Variants in LRP1B observed in about 807,000 individuals in gnomAD.
LRP1B encodes LDL receptor related protein 1B, also known as low-density lipoprotein receptor-related protein 1B.
Under a neutral mutation model 556.6 loss-of-function variants are expected in LRP1B, and 217 were observed. The ratio of observed to expected loss-of-function variants is 0.39; its 90% CI spans 0.35 to 0.44. The LOEUF (loss-of-function observed/expected upper bound fraction) is 0.44. LRP1B is among the 20% of genes least tolerant of loss of function. The pLI is 1.00. For missense variants in LRP1B, 5,053 were observed against 5,620.8 expected, an observed-to-expected ratio of 0.90 and a Z score of 3.23; for synonymous variants, 2,047 against 1,865.8, an observed-to-expected ratio of 1.10 and a Z score of -2.50.
intron 3 of LRP1B, among the ~76,000 whole-genome samples, chr2:141,391,839 T>A (rs568166637): frequency 6.6e-6 from 1 of 152,194 alleles, no homozygotes; most frequent in African/African-American, 2.4e-5. Flanking sequence ...AAAAAACCTT[T>A]GTAAATTGTC....
At chr2:141,233,313 T>A (rs1165183396) in intron 5 of LRP1B, among the ~76,000 whole-genome samples, 1 of 152,174 alleles carries the variant, frequency 6.6e-6, no homozygotes, top group Non-Finnish European at 1.5e-5. Flanking sequence ...GGCTGTCAAC[T>A]GATTCATGAT....
intron 17 of LRP1B, among the ~76,000 whole-genome samples, chr2:140,987,163 G>C (rs911756231): frequency 6.6e-6 from 1 of 152,068 alleles, no homozygotes; most frequent in Non-Finnish European, 1.5e-5. Flanking sequence ...CAAAGCAAAA[G>C]GCATGTTTAT....
intron 3 of LRP1B, among the ~76,000 whole-genome samples, chr2:141,308,558 A>G (rs547150656): frequency 6.6e-6 from 1 of 152,330 alleles, no homozygotes; most frequent in East Asian, 1.9e-4. Context: ...GGGATTTTAT[A>G]CTTTAAATGT....
intron 23 of LRP1B, among the ~76,000 whole-genome samples, chr2:140,898,199 A>C (rs780955350): frequency 2.6e-5 from 4 of 152,136 alleles, no homozygotes; most frequent in Admixed American, 6.5e-5. Context: ...ATATTTCTAC[A>C]TGTCTGTCCA....
At chr2:141,078,168 T>A (rs983776887) in intron 7 of LRP1B, among the ~76,000 whole-genome samples, 4 of 152,170 alleles carry the variant, frequency 2.6e-5, no homozygotes, top group Non-Finnish European at 5.9e-5. Flanking sequence ...CTACTGTCAA[T>A]AAGTGTATTG....
chr2:141,041,138 A>G (rs1698685520), intron 11 of LRP1B, among the ~76,000 whole-genome samples: 1 of 152,170 alleles, frequency 6.6e-6, no homozygotes, highest in South Asian at 2.1e-4. Flanking sequence ...CTCTTCTGAT[A>G]TTATCAGGTG....
At chr2:141,093,701 A>G (rs1558855854) in intron 7 of LRP1B, among the ~76,000 whole-genome samples, 1 of 151,632 alleles carries the variant, frequency 6.6e-6, no homozygotes, top group Non-Finnish European at 1.5e-5. Context: ...AAATAGATAA[A>G]TCTGTGACTG....
chr2:141,977,043 G>A (rs1322267508), intron 1 of LRP1B, among the ~76,000 whole-genome samples: 1 of 152,012 alleles, frequency 6.6e-6, no homozygotes, highest in Non-Finnish European at 1.5e-5. Context: ...AAGTCTAGAT[G>A]GAGTCTCCGA....
intron 33 of LRP1B, among the ~76,000 whole-genome samples, chr2:140,771,936 CTCT>C (rs1468700052): frequency 6.6e-6 from 1 of 152,152 alleles, no homozygotes; most frequent in East Asian, 1.9e-4. Context: ...CTCGTTATTT[CTCT>C]TCTTCTGAAT....
In LRP1B at chr2:141,757,707, A is replaced by AT. The variant is rs201141052; in HGVS notation, c.205+52571dup. Among the ~76,000 whole-genome samples the AT allele has an allele frequency of 2.6e-3, 391 of 151,316 alleles. 1 individual carries two copies. Among genetic ancestry groups the AT allele is most frequent in the Non-Finnish European group, 4.2e-3 (286 of 67,762 alleles). On this transcript the variant is annotated intron_variant, in intron 2 of 90. Transcript: ENST00000389484. ...TGCCAATATGTCCAGCTAATTTTTAATTTTTTTTTATAGAGATGGGGGTCT... is the reference window on the plus strand; with the variant it reads ...TGCCAATATGTCCAGCTAATTTTTAATTTTTTTTTTATAGAGATGGGGGTCT...
chr2:140,801,637 G>A (rs946265288), intron 32 of LRP1B, among the ~76,000 whole-genome samples: 2 of 150,890 alleles, frequency 1.3e-5, no homozygotes, highest in African/African-American at 4.9e-5. Flanking sequence ...TAATGCTTTG[G>A]ATTTTAACAA....
chr2:140,886,620 TTC>T (rs1404703087), intron 23 of LRP1B, among the ~76,000 whole-genome samples: 1 of 109,008 alleles, frequency 9.2e-6, no homozygotes, highest in African/African-American at 2.7e-5. Context: ...ATGGAGGATT[TTC>T]TGTTTTTTTT....
At chr2:142,086,670 C>G (rs910793486) in intron 1 of LRP1B, among the ~76,000 whole-genome samples, 1 of 151,992 alleles carries the variant, frequency 6.6e-6, no homozygotes, top group Admixed American at 6.5e-5. Context: ...TCTCCAGCAG[C>G]TTTGCTGGAC....
chr2:140,557,935 T>C (rs565613290), intron 43 of LRP1B, among the ~76,000 whole-genome samples: 1 of 152,304 alleles, frequency 6.6e-6, no homozygotes, highest in East Asian at 1.9e-4. Context: ...GATCTCTTTC[T>C]GTGCAGTTCA....
chr2:141,389,534 C>T (rs185135382), intron 3 of LRP1B, among the ~76,000 whole-genome samples: 20 of 152,106 alleles, frequency 1.3e-4, no homozygotes, highest in East Asian at 7.7e-4. Context: ...AAATCATGAA[C>T]GAATATTCAT....
At chr2:140,656,457 G>A (rs138467756) in intron 41 of LRP1B, among the ~76,000 whole-genome samples, 1 of 152,054 alleles carries the variant, frequency 6.6e-6, no homozygotes, top group South Asian at 2.1e-4. Flanking sequence ...GATTTGTTTT[G>A]CTTTGTTTTT....
chr2:140,313,968 A>G (rs558898212), intron 83 of LRP1B, among the ~76,000 whole-genome samples: 2 of 151,936 alleles, frequency 1.3e-5, no homozygotes, highest in African/African-American at 4.8e-5. Context: ...AACTTTTCCT[A>G]TTAGAGTGCA....
At chr2:141,090,209 GT>G (rs1296850747) in intron 7 of LRP1B, among the ~76,000 whole-genome samples, 2 of 152,148 alleles carry the variant, frequency 1.3e-5, no homozygotes, top group Non-Finnish European at 2.9e-5. Flanking sequence ...TATGTGGTTA[GT>G]TTATCAAGAA....
intron 3 of LRP1B, among the ~76,000 whole-genome samples, chr2:141,297,221 T>C (rs551302332): frequency 6.6e-6 from 1 of 152,242 alleles, no homozygotes; most frequent in South Asian, 2.1e-4. Flanking sequence ...GGTATATACC[T>C]AGTAAGGGGA....
Sources: allele counts gnomAD v4.1 joint callset (sites outside exome capture counted in the v4.1 genomes callset), GRCh38; gene constraint gnomAD v4.1.1; transcripts MANE v1.5; gene names NCBI Gene and HGNC (gene_info 2026-07-23, HGNC 2026-07-21).